The following ROR1 variants were observed in gnomAD, a reference collection of about 807,000 sequenced individuals.
ROR1 encodes the protein inactive tyrosine-protein kinase transmembrane receptor ROR1.
Under a neutral mutation model 78.8 loss-of-function variants are expected in ROR1, and 19 were observed. That is an observed-to-expected ratio of 0.24 (90% CI 0.17 to 0.35). The LOEUF (loss-of-function observed/expected upper bound fraction) is 0.35, where lower values mean the gene tolerates loss of function less well. ROR1 is among the 10% of genes least tolerant of loss of function. ROR1 has a pLI of 1.00. For missense variants in ROR1, 917 were observed against 1,177.8 expected, an observed-to-expected ratio of 0.78 and a Z score of 3.24; for synonymous variants, 386 against 433.6, an observed-to-expected ratio of 0.89 and a Z score of 1.36.
chr1:64,076,804 T>C (rs943097379), intron 4 of ROR1, among the ~76,000 whole-genome samples: 4 of 152,268 alleles, frequency 2.6e-5, no homozygotes, highest in African/African-American at 9.6e-5. Context: ...TATTTTGATA[T>C]ATTTATATGC....
intron 4 of ROR1, among the ~76,000 whole-genome samples, chr1:64,107,299 C>T (rs1647862993): frequency 6.6e-6 from 1 of 152,154 alleles, no homozygotes; most frequent in Non-Finnish European, 1.5e-5. Flanking sequence ...GCAGAGCCAG[C>T]ATTTGAACTT....
intron 5 of ROR1, among the ~76,000 whole-genome samples, chr1:64,137,762 A>G (rs1390240877): frequency 6.6e-6 from 1 of 152,204 alleles, no homozygotes; most frequent in Non-Finnish European, 1.5e-5. Flanking sequence ...CTTTCACCGT[A>G]CCAGGAACTG....
chr1:64,123,382 G>A (rs1470380930), intron 4 of ROR1, among the ~76,000 whole-genome samples: 6 of 152,132 alleles, frequency 3.9e-5, no homozygotes, highest in Non-Finnish European at 7.4e-5. Flanking sequence ...TGGATTTAAG[G>A]ACATCATTAT....
rs943494310 is a variant in ROR1 at position 64,031,791 on chromosome 1, T to G, written c.164-17900T>G. 4.6e-5 allele frequency among the ~76,000 whole-genome samples: 7 copies of G among 152,234 alleles called. 1 individual carries two copies. The highest frequency in any genetic ancestry group is 2.6e-4 in the Admixed American group (4 of 15,286). On this transcript the variant is annotated intron_variant, in intron 2 of 8. Transcript: ENST00000371079. ...TCTAAATTCAGATGGTTTAACTCATTATTTCTTTTTTCTTGTGAAGGCATA... is the reference window on the plus strand; with the variant it reads ...TCTAAATTCAGATGGTTTAACTCATGATTTCTTTTTTCTTGTGAAGGCATA...
At chr1:64,067,037 T>G (rs570441433) in intron 4 of ROR1, among the ~76,000 whole-genome samples, 1 of 152,076 alleles carries the variant, frequency 6.6e-6, no homozygotes, top group Non-Finnish European at 1.5e-5. Flanking sequence ...ACATCTTAAT[T>G]CAGATGCTAA....
In ROR1 at chr1:63,821,870, TCTC is replaced by T. The variant is rs1644925753; in HGVS notation, c.91+47366_91+47368del. 2.6e-5 allele frequency among the ~76,000 whole-genome samples: 4 copies of T among 152,134 alleles called. No individual in the cohort carries two copies. In the South Asian group the frequency reaches 6.2e-4, roughly 24 times the overall value. On this transcript the variant is annotated intron_variant, in intron 1 of 8. Coordinates refer to ENST00000371079, the MANE Select transcript of ROR1 (RefSeq NM_005012.4). ...GAAATATTATCTGACAGCTCCCCCT[TCTC>T]CTCAAGTGGCTGGGGAGTGAGTCAC...
intron 1 of ROR1, among the ~76,000 whole-genome samples, chr1:63,828,679 T>C (rs947641518): frequency 2.0e-5 from 3 of 152,188 alleles, no homozygotes; most frequent in Non-Finnish European, 4.4e-5. Context: ...GCAACTAGAT[T>C]GTAAGGTCTG....
chr1:63,945,225 A>C (rs1268038), intron 1 of ROR1, among the ~76,000 whole-genome samples: 117,035 of 152,086 alleles, frequency 0.77, 45,527 homozygotes, highest in East Asian at 0.94. Flanking sequence ...CAGTGGACTT[A>C]AAACTTTTTT....
At position 63,948,715 on chromosome 1, in the gene ROR1, A is replaced by G. The variant is rs140616659; in HGVS notation, c.92-60590A>G. 1.9e-3 allele frequency among the ~76,000 whole-genome samples: 285 copies of G among 152,342 alleles called. 1 individual carries two copies. The highest frequency in any genetic ancestry group is 3.4e-3 in the Middle Eastern group (1 of 294). The stretch of plus-strand genomic sequence containing the variant: ...TGGAAGGTGATTAGGTCATGAGGAC[A>G]AAGCCCTTCTGAATTGGATTAGTGT... On this transcript the variant is annotated intron_variant, in intron 1 of 8. Transcript: ENST00000371079.
intron 2 of ROR1, among the ~76,000 whole-genome samples, chr1:64,020,829 A>T (rs1450260716): frequency 1.3e-5 from 2 of 152,150 alleles, no homozygotes; most frequent in Non-Finnish European, 2.9e-5. Context: ...ATTATGAGGC[A>T]GTGGAGTGTG....
intron 3 of ROR1, 105 bp from the exon 4 acceptor site, chr1:64,050,581 T>G (rs1436738032): frequency 1.1e-5 from 12 of 1,071,996 alleles, no homozygotes; most frequent in African/African-American, 1.6e-5. Flanking sequence ...AAATACTACC[T>G]CTGGGTGGTT....
intron 1 of ROR1, among the ~76,000 whole-genome samples, chr1:63,891,433 G>A (rs1479091976): frequency 6.6e-6 from 1 of 152,120 alleles, no homozygotes; most frequent in Non-Finnish European, 1.5e-5. Flanking sequence ...GCCTGGAAAT[G>A]CACCTCATGG....
chr1:63,843,144 G>T, intron 1 of ROR1: 1 of 831,288 alleles, frequency 1.2e-6, no homozygotes, highest in Non-Finnish European at 2.0e-6. Flanking sequence ...ACCCCCGAGG[G>T]CAGATGTGGG....
chr1:63,991,206 C>T (rs1646293593), intron 1 of ROR1, among the ~76,000 whole-genome samples: 1 of 152,054 alleles, frequency 6.6e-6, no homozygotes, highest in African/African-American at 2.4e-5. Flanking sequence ...CTGACTTGGC[C>T]TCCCAAAGTG....
At chr1:64,029,499 C>T (rs1217727025) in intron 2 of ROR1, among the ~76,000 whole-genome samples, 1 of 152,154 alleles carries the variant, frequency 6.6e-6, no homozygotes, top group Admixed American at 6.5e-5. Flanking sequence ...TGCTGTGTGA[C>T]TTAAACAACA....
Position 64,116,675 on chromosome 1 carries a change from G to A in ROR1, c.483-20694G>A, listed in dbSNP as rs551986361. On this transcript the variant is annotated intron_variant, in intron 4 of 8. Transcript: ENST00000371079. Reference sequence around the variant, plus strand: ...CTGGGTATATTGAAAGGAAAAGGGCGTTTTAAATGTATAATCTACTCTTCC... The same window carrying A: ...CTGGGTATATTGAAAGGAAAAGGGCATTTTAAATGTATAATCTACTCTTCC... Among the ~76,000 whole-genome samples, 8 of 152,292 alleles carry A rather than the reference G, an allele frequency of 5.3e-5. No individual in the cohort carries two copies. The East Asian group carries it at 1.5e-3, about 29-fold the overall frequency.
chr1:63,862,009 A>T (rs142004737), intron 1 of ROR1, among the ~76,000 whole-genome samples: 126 of 152,342 alleles, frequency 8.3e-4, no homozygotes, highest in African/African-American at 2.7e-3. Context: ...CTTAAGCAAT[A>T]AATAATGGTT....
intron 4 of ROR1, among the ~76,000 whole-genome samples, chr1:64,107,191 A>G (rs1307677454): frequency 5.9e-5 from 9 of 152,196 alleles, no homozygotes; most frequent in Non-Finnish European, 1.3e-4. Context: ...AATTTTTAGA[A>G]TAACCTTTTC....
intron 1 of ROR1, among the ~76,000 whole-genome samples, chr1:63,839,382 A>G (rs1321540338): frequency 6.6e-6 from 1 of 151,878 alleles, no homozygotes; most frequent in Admixed American, 6.6e-5. Context: ...CTATCTATCT[A>G]TCTATCTATC....
Sources: gnomAD v4.1 joint callset for allele counts (sites outside exome capture counted in the v4.1 genomes callset) on GRCh38, gnomAD v4.1.1 for gene constraint, MANE v1.5 for transcripts, NCBI Gene and HGNC (gene_info 2026-07-23, HGNC 2026-07-21) for gene names.